Variants in TREM1 observed in about 807,000 individuals in gnomAD.
The protein encoded by TREM1 is triggering receptor expressed on monocytes 1.
Under a neutral mutation model 22.4 loss-of-function variants are expected in TREM1, and 16 were observed. The observed-to-expected ratio is 0.71, with a 90% CI of 0.48 to 1.08. The LOEUF is 1.08. Among genes scored for constraint, TREM1 ranks in the 50% least tolerant of loss-of-function variants. TREM1 has a pLI of 0.00. For synonymous variants in TREM1, 110 were observed against 111.6 expected (o/e 0.99, Z 0.09); for missense variants, 283 against 282.9 (o/e 1.00, Z 0.00).
intron 3 of TREM1, among the ~76,000 whole-genome samples, chr6:41,277,841 C>T (rs1383670117): frequency 6.6e-6 from 1 of 152,070 alleles, no homozygotes; most frequent in Non-Finnish European, 1.5e-5. Context: ...GGCTTCCTTC[C>T]CTTCCTGGTC....
At chr6:41,267,545 T>C (rs1239351352), downstream of TREM1, among the ~76,000 whole-genome samples, 2 of 152,026 alleles carry the variant, frequency 1.3e-5, no homozygotes, top group African/African-American at 4.8e-5. Context: ...AAGATGCCTA[T>C]GAGGGAAGGG....
In TREM1 at chr6:41,281,132, G is replaced by A. The variant is rs1767899407; in HGVS notation, c.428C>T (p.Ser143Phe). 1 of 1,613,756 alleles carries A rather than the reference G, an allele frequency of 6.2e-7. No individual in the cohort carries two copies. The highest frequency in any genetic ancestry group is 1.1e-5 in the South Asian group (1 of 91,070). Residue 143 changes from serine (S) to phenylalanine (F), a missense_variant, in exon 3 of 4, where the codon TCC (serine) becomes TTC (phenylalanine). Ser to Phe is a radical substitution (Grantham distance 155, BLOSUM62 -2). Coordinates refer to ENST00000244709, the MANE Select transcript of TREM1 (RefSeq NM_018643.5). ...VTKGFSGTPG[S>F]NENSTQNVYK... ...CACATTCTGGGTAGAATTCTCATTG[G>A]AGCCAGGGGTCCCTGAAAAACCTGC...
At position 41,281,030 on chromosome 6, in the gene TREM1, G is replaced by A; in HGVS notation, c.530C>T (p.Pro177Leu). The change falls in exon 3 of 4, where the codon CCC becomes CTC. Residue 177 changes from proline to leucine, a missense_variant. Coordinates refer to ENST00000244709, the MANE Select transcript of TREM1 (RefSeq NM_018643.5). Reference protein sequence around the residue: ...TSPRTVTQAPPKSTADVSTPD... With the variant: ...TSPRTVTQAPLKSTADVSTPD... ...AGTGGAGACATCGGCAGTTGACTTG[G>A]GTGGAGCTTGGGTCACAGTTCTGGG... 1 of 1,614,234 alleles carries A rather than the reference G, an allele frequency of 6.2e-7. No individual in the cohort carries two copies. Among genetic ancestry groups the A allele is most frequent in the Non-Finnish European group, 8.5e-7 (1 of 1,180,048 alleles).
intron 3 of TREM1, chr6:41,280,334 T>C (rs1461908200): frequency 2.0e-6 from 2 of 985,824 alleles, no homozygotes; most frequent in African/African-American, 1.7e-5. Context: ...AGAAATCTCC[T>C]AAACATCTTA....
chr6:41,281,656 TGG>T (rs1374603218), intron 2 of TREM1: 1 of 160,568 alleles, frequency 6.2e-6, no homozygotes, highest in African/African-American at 2.4e-5. Context: ...CCCCAGGTGC[TGG>T]GAACTTGAGC....
intron 2 of TREM1, 51 bp from the exon 3 acceptor site, chr6:41,281,204 G>A: frequency 6.3e-7 from 1 of 1,583,246 alleles, no homozygotes. Flanking sequence ...TGATGAATGG[G>A]TGGATGGGTG....
intron 3 of TREM1, chr6:41,280,325 G>A (rs1266176851): frequency 2.0e-6 from 2 of 985,136 alleles, no homozygotes; most frequent in East Asian, 2.3e-4. Context: ...CTACACATTA[G>A]AAATCTCCTA....
chr6:41,278,480 G>C (rs1767759976), intron 3 of TREM1, among the ~76,000 whole-genome samples: 1 of 151,560 alleles, frequency 6.6e-6, no homozygotes, highest in Non-Finnish European at 1.5e-5. Flanking sequence ...GATCAGCCTG[G>C]GCAACACAGG....
chr6:41,268,033 G>A (rs2113965791), exon 4 of TREM1: 2 of 398,636 alleles, frequency 5.0e-6, no homozygotes, highest in Non-Finnish European at 8.8e-6. Context: ...TGCAGTGGTG[G>A]GAGAGGATGG....
chr6:41,286,037 A>G (rs6921317), intron 1 of TREM1, among the ~76,000 whole-genome samples: 9,151 of 152,252 alleles, frequency 0.06, 744 homozygotes, highest in African/African-American at 0.19. Flanking sequence ...GAGACACAAG[A>G]AAGAGCTGGG....
intron 3 of TREM1, chr6:41,279,795 C>A: frequency 2.0e-6 from 2 of 985,444 alleles, no homozygotes; most frequent in Non-Finnish European, 2.4e-6. Flanking sequence ...GATCACACTG[C>A]AAATTGTTTC....
chr6:41,278,608 G>C (rs1767765589), intron 3 of TREM1, among the ~76,000 whole-genome samples: 1 of 151,630 alleles, frequency 6.6e-6, no homozygotes, highest in Non-Finnish European at 1.5e-5. Context: ...AGTGAGCCAT[G>C]ATCGTGCCAC....
Position 41,274,590 on chromosome 6 carries a change from A to T in TREM1, c.*1535T>A, listed in dbSNP as rs1003110450. Among the ~76,000 whole-genome samples, 4 of 152,108 alleles carry T rather than the reference A, an allele frequency of 2.6e-5. No homozygotes were observed. The highest frequency in any genetic ancestry group is 2.6e-4 in the Admixed American group (4 of 15,276). ...ATGCACCAAGATTAACAGCTTCTGGATCTAGTGCGTCTGCAAAGATTCTCA... is the reference window on the plus strand; with the variant it reads ...ATGCACCAAGATTAACAGCTTCTGGTTCTAGTGCGTCTGCAAAGATTCTCA... On this transcript the variant is annotated 3_prime_UTR_variant, in exon 4 of 4. Transcript: ENST00000244709.
chr6:41,282,807 T>TG, intron 1 of TREM1, 56 bp from the exon 2 acceptor site: 1 of 1,481,248 alleles, frequency 6.8e-7, no homozygotes, highest in Non-Finnish European at 9.1e-7. Flanking sequence ...TCTCTCTGAG[T>TG]GGGGAAAAAG....
intron 3 of TREM1, among the ~76,000 whole-genome samples, chr6:41,279,064 C>T (rs1380720162): frequency 1.3e-5 from 2 of 152,222 alleles, no homozygotes; most frequent in African/African-American, 4.8e-5. Flanking sequence ...GGCTACTCTC[C>T]CTACAGCCCT....
At chr6:41,270,528 A>G (rs541902867), downstream of TREM1, among the ~76,000 whole-genome samples, 10 of 151,368 alleles carry the variant, frequency 6.6e-5, no homozygotes, top group Non-Finnish European at 1.5e-4. Context: ...GCAAATATCC[A>G]TCATGGTTGA....
chr6:41,273,028 C>T (rs1397792231), downstream of TREM1, among the ~76,000 whole-genome samples: 3 of 152,186 alleles, frequency 2.0e-5, no homozygotes, highest in Non-Finnish European at 4.4e-5. Context: ...CTTCTCCCGG[C>T]AGCTGTGCTG....
rs1767982145 is a variant in TREM1, at chr6:41,282,631, A to G, written c.170T>C (p.Ile57Thr). The change falls in exon 2 of 4, where the codon ATA (isoleucine) becomes ACA (threonine). Residue 57 changes from isoleucine to threonine, a missense_variant. By Grantham distance (89) the Ile-to-Thr change is moderately conservative. Coordinates refer to ENST00000244709, the MANE Select transcript of TREM1 (RefSeq NM_018643.5). ...CTTGGGCATCTCTCCGTCCCTTATT[A>G]TCTGCCAAGCTTTCTGGCTGCTGGC... is the stretch of plus-strand genomic sequence containing the variant. ...KFASSQKAWQ[I>T]IRDGEMPKTL... 6.2e-7 allele frequency: 1 copy of G among 1,614,172 alleles called. No individual in the cohort carries two copies. The highest frequency in any genetic ancestry group is 2.2e-5 in the East Asian group (1 of 44,880).
chr6:41,276,315 C>A (rs1344782054), intron 3 of TREM1, 85 bp from the exon 4 acceptor site: 2 of 922,144 alleles, frequency 2.2e-6, no homozygotes, highest in Non-Finnish European at 3.5e-6. Context: ...CCTTCATGTC[C>A]CACTCTCCTC....
Sources: gnomAD v4.1 joint callset for allele counts (sites outside exome capture counted in the v4.1 genomes callset) on GRCh38, gnomAD v4.1.1 for gene constraint, MANE v1.5 for transcripts, NCBI Gene and HGNC (gene_info 2026-07-23, HGNC 2026-07-21) for gene names.